The following BLTP3A variants were observed in gnomAD, a reference collection of about 807,000 sequenced individuals.
BLTP3A encodes the protein bridge-like lipid transfer protein family member 3A.
chr6:34,857,191 C>A, the BLTP3A span: 1 of 1,152,184 alleles, frequency 8.7e-7, no homozygotes, highest in Non-Finnish European at 1.2e-6. Flanking sequence ...GTGAGAACAC[C>A]TGGAATATAT....
chr6:34,832,487 G>T, the BLTP3A span, among the ~76,000 whole-genome samples: 1 of 150,504 alleles, frequency 6.6e-6, no homozygotes. Flanking sequence ...CCTGGCTTGA[G>T]TGCAGTGGCG....
chr6:34,807,069 C>T, the BLTP3A span, among the ~76,000 whole-genome samples: 27 of 152,244 alleles, frequency 1.8e-4, no homozygotes, highest in Non-Finnish European at 3.2e-4. Flanking sequence ...AATCTAGAGC[C>T]TGCATGTAGG....
At chr6:34,799,879 C>T in the BLTP3A span, among the ~76,000 whole-genome samples, 5 of 151,820 alleles carry the variant, frequency 3.3e-5, no homozygotes, top group Non-Finnish European at 2.9e-5. Flanking sequence ...TCAAGAGAGA[C>T]GACTGTTAGT....
the BLTP3A span, among the ~76,000 whole-genome samples, chr6:34,855,201 A>G: frequency 6.6e-6 from 1 of 152,214 alleles, no homozygotes; most frequent in Non-Finnish European, 1.5e-5. Flanking sequence ...AGGAAATAAT[A>G]TAGGTTATTG....
At chr6:34,808,533 T>A in the BLTP3A span, among the ~76,000 whole-genome samples, 8 of 151,900 alleles carry the variant, frequency 5.3e-5, no homozygotes, top group African/African-American at 1.9e-4. Context: ...AGAGGGGTTA[T>A]CATTATAGAT....
At chr6:34,792,398 C>G in the BLTP3A span, 4 of 1,191,800 alleles carry the variant, frequency 3.4e-6, no homozygotes, top group Admixed American at 9.6e-5. Flanking sequence ...TCTCTCCAGC[C>G]CGGAGCCCGG....
the BLTP3A span, chr6:34,855,624 T>G: frequency 1.2e-6 from 2 of 1,613,612 alleles, no homozygotes; most frequent in Non-Finnish European, 1.7e-6. Flanking sequence ...TAGGTGTCTC[T>G]GCCAACAGAC....
the BLTP3A span, among the ~76,000 whole-genome samples, chr6:34,811,904 C>T: frequency 1.3e-5 from 2 of 151,964 alleles, no homozygotes; most frequent in Non-Finnish European, 2.9e-5. Flanking sequence ...GTGGAGTGCA[C>T]CTGTAGTCCT....
the BLTP3A span, chr6:34,871,597 C>A: frequency 2.5e-6 from 4 of 1,612,964 alleles, no homozygotes; most frequent in Non-Finnish European, 3.4e-6. Context: ...GATATCCCCC[C>A]CATCTATCCA....
At chr6:34,838,282 T>G in the BLTP3A span, among the ~76,000 whole-genome samples, 1 of 152,176 alleles carries the variant, frequency 6.6e-6, no homozygotes, top group East Asian at 1.9e-4. Context: ...AAATCCATTT[T>G]TATATACATA....
the BLTP3A span, chr6:34,855,518 C>T: frequency 7.1e-7 from 1 of 1,399,252 alleles, no homozygotes; most frequent in Non-Finnish European, 1.0e-6. Flanking sequence ...ATCAGCTGGG[C>T]TTTGAAGCTG....
chr6:34,861,453 A>C, the BLTP3A span, among the ~76,000 whole-genome samples: 3 of 152,340 alleles, frequency 2.0e-5, no homozygotes, highest in Middle Eastern at 6.8e-3. Context: ...AAATTATAAA[A>C]ATGGTTTGTG....
the BLTP3A span, among the ~76,000 whole-genome samples, chr6:34,802,837 T>C: frequency 2.0e-5 from 3 of 152,200 alleles, no homozygotes; most frequent in Non-Finnish European, 4.4e-5. Context: ...TTACTTTTTT[T>C]GAAATCATGT....
chr6:34,814,733 A>G, the BLTP3A span, among the ~76,000 whole-genome samples: 1 of 152,206 alleles, frequency 6.6e-6, no homozygotes, highest in South Asian at 2.1e-4. Flanking sequence ...TTAAGAAAAA[A>G]TTTATTAATC....
chr6:34,866,055 T>C, the BLTP3A span, among the ~76,000 whole-genome samples: 1 of 152,174 alleles, frequency 6.6e-6, no homozygotes, highest in Non-Finnish European at 1.5e-5. Flanking sequence ...GGGGTTCTTA[T>C]ATATTCACCT....
the BLTP3A span, among the ~76,000 whole-genome samples, chr6:34,847,975 A>G: frequency 8.0e-6 from 1 of 125,586 alleles, no homozygotes; most frequent in Admixed American, 9.5e-5. Flanking sequence ...GGCTGGATGC[A>G]GTGGCGTAAT....
chr6:34,866,040 C>A, the BLTP3A span, among the ~76,000 whole-genome samples: 24 of 152,148 alleles, frequency 1.6e-4, no homozygotes, highest in South Asian at 4.1e-3. Flanking sequence ...TCTGAAAAAT[C>A]TCCTGGGGTT....
At chr6:34,864,026 G>A in the BLTP3A span, 1 of 1,612,094 alleles carries the variant, frequency 6.2e-7, no homozygotes, top group Non-Finnish European at 8.5e-7. Context: ...AGACAGATGA[G>A]GGGGTGGCAG....
the BLTP3A span, among the ~76,000 whole-genome samples, chr6:34,825,726 T>A: frequency 3.4e-4 from 52 of 152,316 alleles, no homozygotes; most frequent in African/African-American, 9.1e-4. Flanking sequence ...TTTCAACATA[T>A]GATGAATTTT....
Sources: gnomAD v4.1 joint callset for allele counts (sites outside exome capture counted in the v4.1 genomes callset) on GRCh38, gnomAD v4.1.1 for gene constraint, MANE v1.5 for transcripts, NCBI Gene and HGNC (gene_info 2026-07-23, HGNC 2026-07-21) for gene names.